BCL11A: variants seen among roughly 807,000 people sequenced by gnomAD.
The protein encoded by BCL11A is BCL11 transcription factor A, also known as B cell CLL/lymphoma 11A.
BCL11A carries 2 observed loss-of-function variants against 55.9 expected under a neutral mutation model. The ratio of observed to expected loss-of-function variants is 0.04; its 90% confidence interval spans 0.01 to 0.11. The LOEUF (loss-of-function observed/expected upper bound fraction) is 0.11, where lower values mean the gene tolerates loss of function less well. Ranked by LOEUF, BCL11A falls within the 10% of genes least tolerant of loss-of-function variation. The pLI is 1.00. For missense variants in BCL11A, 817 were observed against 1,137.1 expected (o/e 0.72, Z 4.05); for synonymous variants, 465 against 473.4 (o/e 0.98, Z 0.23).
intron 2 of BCL11A, chr2:60,545,643 TG>T: frequency 4.0e-6 from 1 of 252,136 alleles, no homozygotes; most frequent in Non-Finnish European, 7.7e-6. Flanking sequence ...CAATGGAAGC[TG>T]GACTAGGTGT....
rs112064154 is a variant in BCL11A at position 60,504,898 on chromosome 2, G to A, written c.386-36065C>T. ...TTGCTCCAAACTATTAAAACAGAGC[G>A]TCCCCCCAAAAAAACAGCCTTCTGC... On this transcript the variant is annotated intron_variant, in intron 2 of 3. Coordinates refer to ENST00000642384, the MANE Select transcript of BCL11A (RefSeq NM_022893.4). Among the ~76,000 whole-genome samples the A allele has an allele frequency of 4.3e-3, 662 of 152,186 alleles. 8 individuals are homozygous for A. The highest frequency in any genetic ancestry group is 7.7e-3 in the Admixed American group (117 of 15,280).
At chr2:60,455,752 C>G (rs982375912), downstream of BCL11A, among the ~76,000 whole-genome samples, 2 of 152,116 alleles carry the variant, frequency 1.3e-5, no homozygotes, top group Non-Finnish European at 2.9e-5. Context: ...CTCATAGCTC[C>G]TAATAAAAGA....
exon 5 of BCL11A, chr2:60,451,939 G>A (rs1675740165): frequency 4.4e-6 from 1 of 228,862 alleles, no homozygotes; most frequent in African/African-American, 2.2e-5. Context: ...ATATTGCTAT[G>A]ATTTATTCCC....
Position 60,457,944 on chromosome 2 carries a change from G to A in BCL11A, c.*2460C>T. 9.7e-7 allele frequency: 1 copy of A among 1,030,226 alleles called. No individual in the cohort carries two copies. The highest frequency in any genetic ancestry group is 4.7e-5 in the South Asian group (1 of 21,490). The allele number at this position is 1,030,226 out of a possible 1,614,324, so 63.8% of individuals were successfully genotyped here. A position where few individuals can be genotyped will look rare whatever the true frequency, so the allele number is the denominator to read the frequency against. The stretch of plus-strand genomic sequence containing the variant: ...CTCATCTGTAATGTCACACTTTTTT[G>A]TTTCTCTCTTTTTTTTTTTTTTGAA... On this transcript the variant is annotated 3_prime_UTR_variant, in exon 4 of 4. Coordinates refer to ENST00000642384, the MANE Select transcript of BCL11A (RefSeq NM_022893.4).
intron 2 of BCL11A, among the ~76,000 whole-genome samples, chr2:60,480,914 A>G (rs1677914509): frequency 6.6e-6 from 1 of 152,220 alleles, no homozygotes; most frequent in South Asian, 2.1e-4. Flanking sequence ...CCGCTTGAAT[A>G]ATCCTATTTT....
chr2:60,475,420 C>T (rs1401084839), intron 2 of BCL11A, among the ~76,000 whole-genome samples: 1 of 152,192 alleles, frequency 6.6e-6, no homozygotes, highest in Non-Finnish European at 1.5e-5. Context: ...TGTTTTATTC[C>T]TCTGAGTCAG....
At chr2:60,531,666 G>A (rs898383467) in intron 2 of BCL11A, among the ~76,000 whole-genome samples, 1 of 152,168 alleles carries the variant, frequency 6.6e-6, no homozygotes, top group Admixed American at 6.5e-5. Flanking sequence ...ACTCAAGAGC[G>A]TGTTTTGGCA....
intron 3 of BCL11A, among the ~76,000 whole-genome samples, chr2:60,463,682 AAT>A (rs998498255): frequency 1.3e-5 from 2 of 151,182 alleles, no homozygotes; most frequent in African/African-American, 2.4e-5. Flanking sequence ...AGCTACATTA[AAT>A]ATATATATAT....
intron 2 of BCL11A, among the ~76,000 whole-genome samples, chr2:60,484,704 G>A (rs1187429972): frequency 1.3e-5 from 2 of 152,198 alleles, no homozygotes; most frequent in East Asian, 3.9e-4. Context: ...AAAAAAGAAG[G>A]AGAAAGAGAG....
Position 60,471,820 on chromosome 2 carries a change from A to C in BCL11A, c.386-2987T>G, listed in dbSNP as rs146242915. Reference sequence around the variant, plus strand: ...CCACCCCCGATCAGCATCACCTGGGAGTTTGTTCAAAATGCAAATTCTTGG... The same window carrying C: ...CCACCCCCGATCAGCATCACCTGGGCGTTTGTTCAAAATGCAAATTCTTGG... On this transcript the variant is annotated intron_variant, in intron 2 of 3. Coordinates refer to ENST00000642384, the MANE Select transcript of BCL11A (RefSeq NM_022893.4). 2.0e-4 allele frequency among the ~76,000 whole-genome samples: 30 copies of C among 152,218 alleles called. No homozygotes were observed. The East Asian group carries it at 4.6e-3, about 23-fold the overall frequency.
intron 2 of BCL11A, among the ~76,000 whole-genome samples, chr2:60,473,889 C>T (rs1425201600): frequency 1.3e-5 from 2 of 151,960 alleles, no homozygotes; most frequent in Admixed American, 6.6e-5. Context: ...CATTTTTTTT[C>T]CTTCATTGCT....
chr2:60,521,071 A>G (rs112309086), intron 2 of BCL11A, among the ~76,000 whole-genome samples: 4 of 46,982 alleles, frequency 8.5e-5, no homozygotes, highest in Admixed American at 2.1e-4. Flanking sequence ...TGGTCAGCAC[A>G]CACACACACA....
intron 2 of BCL11A, chr2:60,541,807 A>T: frequency 3.3e-6 from 2 of 605,372 alleles, no homozygotes; most frequent in Non-Finnish European, 3.0e-6. Flanking sequence ...GTTTTTATTC[A>T]GAATCACATA....
rs370883744 is a variant in BCL11A at position 60,460,741 on chromosome 2, T to C, written c.2171A>G (p.His724Arg). Residue 724 changes from histidine to arginine, a missense_variant, in exon 4 of 4, where the codon CAT becomes CGT. Around this residue, in one of 4 missense-constraint regions of BCL11A, gnomAD observed 379 missense variants for 425.3 expected, o/e 0.89. Coordinates refer to ENST00000642384, the MANE Select transcript of BCL11A (RefSeq NM_022893.4). Reference protein sequence around the residue: ...SGTGSGGSTPHISGPGPGRPS... With the variant: ...SGTGSGGSTPRISGPGPGRPS... ...CCTGCCCGGGCCCGGACCACTAATATGGGGCGTGCTCCCTCCACTTCCCGT... is the reference window on the plus strand; with the variant it reads ...CCTGCCCGGGCCCGGACCACTAATACGGGGCGTGCTCCCTCCACTTCCCGT... 2.5e-6 allele frequency: 4 copies of C among 1,613,964 alleles called. No homozygotes were observed. The highest frequency in any genetic ancestry group is 1.3e-5 in the African/African-American group (1 of 74,954).
At chr2:60,475,141 C>A (rs890707871) in intron 2 of BCL11A, among the ~76,000 whole-genome samples, 1 of 152,182 alleles carries the variant, frequency 6.6e-6, no homozygotes, top group Non-Finnish European at 1.5e-5. Context: ...GCCCAATAGG[C>A]GGTTACATTC....
chr2:60,467,213 G>T (rs1412254068), intron 3 of BCL11A, among the ~76,000 whole-genome samples: 1 of 117,460 alleles, frequency 8.5e-6, no homozygotes, highest in Non-Finnish European at 1.8e-5. Flanking sequence ...GGCGGTGATG[G>T]TACTGGTGAT....
intron 3 of BCL11A, among the ~76,000 whole-genome samples, chr2:60,464,178 T>G (rs1458626607): frequency 6.6e-6 from 1 of 152,198 alleles, no homozygotes; most frequent in African/African-American, 2.4e-5. Context: ...GTAAATCTCT[T>G]AAACAAGATT....
chr2:60,534,547 T>C (rs543474681), intron 2 of BCL11A: 17 of 152,338 alleles, frequency 1.1e-4, no homozygotes, highest in African/African-American at 3.6e-4. Context: ...TCTCTATGTA[T>C]CTGGAAGTGC....
chr2:60,497,912 T>C (rs59444712), intron 2 of BCL11A, among the ~76,000 whole-genome samples: 2 of 152,074 alleles, frequency 1.3e-5, no homozygotes, highest in East Asian at 1.9e-4. Context: ...AGCCAGGTGA[T>C]AGAAGGGGGA....
Sources: gnomAD v4.1 joint callset for allele counts (sites outside exome capture counted in the v4.1 genomes callset) on GRCh38, gnomAD v4.1.1 for gene constraint, gnomAD v4.1.1 regional missense constraint, MANE v1.5 for transcripts, NCBI Gene and HGNC (gene_info 2026-07-23, HGNC 2026-07-21) for gene names.